Variants in STING1 observed in about 807,000 individuals in gnomAD.
The protein encoded by STING1 is stimulator of interferon genes protein.
STING1 carries 19 observed loss-of-function variants against 31.6 expected under a neutral mutation model. The observed-to-expected ratio is 0.60, with a 90% CI of 0.42 to 0.88. The LOEUF (loss-of-function observed/expected upper bound fraction) is 0.88, where lower values mean the gene tolerates loss of function less well. Among genes scored for constraint, STING1 ranks in the 40% least tolerant of loss-of-function variants. STING1 has a pLI of 0.00. For missense variants in STING1, 371 were observed against 483.7 expected, an observed-to-expected ratio of 0.77 and a Z score of 2.19; for synonymous variants, 200 against 208.6, an observed-to-expected ratio of 0.96 and a Z score of 0.35.
At chr5:139,477,005 C>T (rs964369458) in intron 7 of STING1, among the ~76,000 whole-genome samples, 3 of 152,124 alleles carry the variant, frequency 2.0e-5, no homozygotes, top group African/African-American at 7.2e-5. Flanking sequence ...CGAGGTCACA[C>T]AGTGAGGGAG....
chr5:139,478,219 T>C lies in STING1; in HGVS notation c.759+51A>G, dbSNP rs751377095. On this transcript the variant is annotated intron_variant, in intron 6 of 7. Coordinates refer to ENST00000330794, the MANE Select transcript of STING1 (RefSeq NM_198282.4). ...ATCAGTGCTTGGCTAGGGCCCAGGG[T>C]TCTGGGGTCCTGACCCCTCCTCAGA... The C allele has an allele frequency of 2.0e-5, 28 of 1,399,730 alleles. No homozygotes were observed. The South Asian group carries it at 3.3e-4, about 17-fold the overall frequency. 86.7% of individuals were successfully genotyped at this position (1,399,730 alleles called of 1,614,324 possible).
chr5:139,479,522 T>G (rs1751772031), intron 5 of STING1, among the ~76,000 whole-genome samples: 1 of 150,600 alleles, frequency 6.6e-6, no homozygotes, highest in Admixed American at 6.6e-5. Context: ...CCCAACATGG[T>G]GAAACCCCGT....
Position 139,481,891 on chromosome 5 carries a change from C to T in STING1, c.1-187G>A, listed in dbSNP as rs779328586. 6 of 587,006 alleles carry T rather than the reference C, an allele frequency of 1.0e-5. No homozygotes were observed. The highest frequency in any genetic ancestry group is 4.5e-5 in the South Asian group (2 of 44,446). 36.4% of individuals were successfully genotyped at this position (587,006 alleles called of 1,614,324 possible). On this transcript the variant is annotated intron_variant, in intron 2 of 7. Transcript: ENST00000330794. This position sits in a 1 kb window ranked among gnomAD's most constrained non-coding sequence, Gnocchi z 4.1. ...AGTCACCCCAAAGCTCCTGTCTCAG[C>T]GAGGTTTGCTGAAAACAGAGCAGGG...
chr5:139,481,483 G>C lies in STING1; in HGVS notation c.222C>G (p.His74Gln). The change falls in exon 3 of 8, where the codon CAC becomes CAG. Residue 74 changes from histidine (H) to glutamine (Q), a missense_variant. By Grantham distance (24) the His-to-Gln change is conservative (BLOSUM62 0). Coordinates refer to ENST00000330794, the MANE Select transcript of STING1 (RefSeq NM_198282.4). This position sits in a 1 kb window ranked among gnomAD's most constrained non-coding sequence, Gnocchi z 4.1. ...CSLAEELRHI[H>Q]SRYRGSYWRT... ...TGGGTACTGCAGTGAGTCACCTGGA[G>C]TGGATGTGGCGCAGCTCCTCAGCCA... is the stretch of plus-strand genomic sequence containing the variant. 6.2e-7 allele frequency: 1 copy of C among 1,613,740 alleles called. No homozygotes were observed. Among genetic ancestry groups the C allele is most frequent in the South Asian group, 1.1e-5 (1 of 91,060 alleles).
At chr5:139,480,462 CTT>C (rs1415430314) in intron 5 of STING1, among the ~76,000 whole-genome samples, 1 of 152,160 alleles carries the variant, frequency 6.6e-6, no homozygotes, top group Admixed American at 6.5e-5. Context: ...AGGATAATCA[CTT>C]GAACTTGGAA....
intron 5 of STING1, among the ~76,000 whole-genome samples, chr5:139,479,391 T>C (rs1272643428): frequency 2.6e-5 from 4 of 151,290 alleles, no homozygotes; most frequent in South Asian, 2.1e-4. Context: ...TAAATCACTT[T>C]ACCTCTCAGA....
chr5:139,480,884 A>G lies in STING1; in HGVS notation c.426T>C (p.Ala142=). The G allele has an allele frequency of 1.2e-6, 2 of 1,613,108 alleles. No individual in the cohort carries two copies. Among genetic ancestry groups the G allele is most frequent in the Non-Finnish European group, 1.7e-6 (2 of 1,179,142 alleles). ...ILLGLKGLAP[A]EISAVCEKGN... ...CTTTTTCACACACTGCAGAGATCTC[A>G]GCTGGGGCCAGGCCCTGTGGACAGC... Residue 142 remains alanine (A), a synonymous_variant, in exon 5 of 8, where the codon GCT becomes GCC. Transcript: ENST00000330794.
chr5:139,481,860 G>T lies in STING1; in HGVS notation c.1-156C>A. On this transcript the variant is annotated intron_variant, in intron 2 of 7. Coordinates refer to ENST00000330794, the MANE Select transcript of STING1 (RefSeq NM_198282.4). This position sits in a 1 kb window ranked among gnomAD's most constrained non-coding sequence, Gnocchi z 4.1. ...AGAGACACCTCTAGGAGGCAGGCTG[G>T]GAATAAGTCACCCCAAAGCTCCTGT... is the stretch of plus-strand genomic sequence containing the variant. The T allele has an allele frequency of 1.6e-6, 1 of 627,842 alleles. No homozygotes were observed. Among genetic ancestry groups the T allele is most frequent in the Non-Finnish European group, 2.8e-6 (1 of 360,250 alleles). 38.9% of individuals were successfully genotyped at this position (627,842 alleles called of 1,614,324 possible). A position where few individuals can be genotyped will look rare whatever the true frequency, so the allele number is the denominator to read the frequency against.
chr5:139,480,791 T>A lies in STING1; in HGVS notation c.519A>T (p.Pro173=). The A allele has an allele frequency of 6.2e-7, 1 of 1,609,154 alleles. No individual in the cohort carries two copies. Residue 173 remains proline, a splice_region_variant and synonymous_variant, in exon 5 of 8, where the codon CCA becomes CCT. Coordinates refer to ENST00000330794, the MANE Select transcript of STING1 (RefSeq NM_198282.4). Reference sequence around the variant, plus strand: ...ATGGGGGCAGAGAGGATGGCCCACCTGGCAGGATCAGCCGCAGATATCCGA... The same window carrying A: ...ATGGGGGCAGAGAGGATGGCCCACCAGGCAGGATCAGCCGCAGATATCCGA... ...YYIGYLRLIL[P]ELQARIRTYN... is the part of the protein sequence containing the mutation.
At position 139,478,739 on chromosome 5, in the gene STING1, A is replaced by G. The variant is rs572209543; in HGVS notation, c.521-231T>C. 4.7e-5 allele frequency: 24 copies of G among 514,752 alleles called. No homozygotes were observed. In the South Asian group the frequency reaches 5.3e-4, roughly 11 times the overall value. The allele number at this position is 514,752 out of a possible 1,614,324, so 31.9% of individuals were successfully genotyped here. Reference sequence around the variant, plus strand: ...CCCTCACTTCTTTCCTCAGATGTCTATGTCAGCGCCACCCCTTTCCACCAT... The same window carrying G: ...CCCTCACTTCTTTCCTCAGATGTCTGTGTCAGCGCCACCCCTTTCCACCAT... On this transcript the variant is annotated intron_variant, in intron 5 of 7. Transcript: ENST00000330794.
Position 139,477,313 on chromosome 5 carries a change from C to A in STING1, c.946+16G>T. 1 of 1,611,786 alleles carries A rather than the reference C, an allele frequency of 6.2e-7. No homozygotes were observed. The highest frequency in any genetic ancestry group is 1.1e-5 in the South Asian group (1 of 90,808). On this transcript the variant is annotated intron_variant, in intron 7 of 7. Transcript: ENST00000330794. ...GCCCTCCAGCCTATCAACCCCTCAC[C>A]CTACCAACCCCTCACCCTGGTAGGC...
Position 139,478,301 on chromosome 5 carries a change from C to G in STING1, c.728G>C (p.Ser243Thr). 7 of 1,614,086 alleles carry G rather than the reference C, an allele frequency of 4.3e-6. No homozygotes were observed. Among genetic ancestry groups the G allele is most frequent in the Non-Finnish European group, 5.9e-6 (7 of 1,179,994 alleles). Reference sequence around the variant, plus strand: ...CCCGTTCTCCAGAAGCTCATAGATGCTGTTGCTGTAAACCCGATCCTTGAT... The same window carrying G: ...CCCGTTCTCCAGAAGCTCATAGATGGTGTTGCTGTAAACCCGATCCTTGAT... ...AGIKDRVYSN[S>T]IYELLENGQR... The change falls in exon 6 of 8, where the codon AGC (serine) becomes ACC (threonine). Residue 243 changes from serine (S) to threonine (T), a missense_variant. Ser to Thr is a moderately conservative substitution (Grantham distance 58, BLOSUM62 1). Transcript: ENST00000330794.
intron 5 of STING1, among the ~76,000 whole-genome samples, chr5:139,480,539 C>G (rs1008964645): frequency 1.8e-4 from 28 of 152,046 alleles, no homozygotes; most frequent in Non-Finnish European, 4.0e-4. Flanking sequence ...AGGGAGATTC[C>G]TTCTCAAAAA....
intron 7 of STING1, 71 bp downstream of exon 7, chr5:139,477,258 T>C: frequency 6.6e-7 from 1 of 1,523,956 alleles, no homozygotes; most frequent in Non-Finnish European, 9.0e-7. Flanking sequence ...TCTGACTCTT[T>C]GGGAGACCCT....
intron 5 of STING1, chr5:139,478,767 C>T (rs1426968387): frequency 4.4e-6 from 2 of 454,836 alleles, no homozygotes; most frequent in African/African-American, 3.9e-5. Flanking sequence ...TCCACCATGG[C>T]TTTCAGGGCT....
At chr5:139,480,246 C>T (rs1271653445) in intron 5 of STING1, among the ~76,000 whole-genome samples, 1 of 152,062 alleles carries the variant, frequency 6.6e-6, no homozygotes, top group Non-Finnish European at 1.5e-5. Context: ...ACACAGCATG[C>T]AGTAAATATT....
rs759461330 is a variant in STING1, at chr5:139,476,308, TGAG to T, written c.1090_1092del (p.Leu364del). The T allele has an allele frequency of 6.2e-7, 1 of 1,610,096 alleles. No individual in the cohort carries two copies. Among genetic ancestry groups the T allele is most frequent in the Non-Finnish European group, 8.5e-7 (1 of 1,178,770 alleles). On this transcript the variant is annotated inframe_deletion, in exon 8 of 8. Coordinates refer to ENST00000330794, the MANE Select transcript of STING1 (RefSeq NM_198282.4). ...GGGAGGGGCTTTTCCATTCCACTGATGAGGAGCTCAGGCTCTTGGGACATCGTG... is the reference window on the plus strand; with the variant it reads ...GGGAGGGGCTTTTCCATTCCACTGATGAGCTCAGGCTCTTGGGACATCGTG...
Position 139,478,514 on chromosome 5 carries a change from G to T in STING1, c.521-6C>A. 1 of 1,612,912 alleles carries T rather than the reference G, an allele frequency of 6.2e-7. No homozygotes were observed. Among genetic ancestry groups the T allele is most frequent in the Non-Finnish European group, 8.5e-7 (1 of 1,179,164 alleles). On this transcript the variant is annotated splice_region_variant and splice_polypyrimidine_tract_variant and intron_variant, in intron 5 of 7. Coordinates refer to ENST00000330794, the MANE Select transcript of STING1 (RefSeq NM_198282.4). ...TCGAATCCGGGCCTGGAGCTCTGAG[G>T]CAGGGAAGCCCAAGAAGTTATTCCT...
Position 139,481,253 on chromosome 5 carries a change from T to C in STING1, c.317A>G (p.Tyr106Cys), listed in dbSNP as rs1331780242. ...GALLLLSIYFYYSLPNAVGPP... is the reference protein window; with the variant it reads ...GALLLLSIYFCYSLPNAVGPP... ...GCCGACCGCATTTGGGAGGGAGTAG[T>C]AGAAATAGATGGACAGCAGCAACAG... The change falls in exon 4 of 8, where the codon TAC (tyrosine) becomes TGC (cysteine). Residue 106 changes from tyrosine to cysteine, a missense_variant. Tyr to Cys is a radical substitution (Grantham distance 194). Coordinates refer to ENST00000330794, the MANE Select transcript of STING1 (RefSeq NM_198282.4). The surrounding 1 kb of genome is among the most constrained non-coding windows in gnomAD (Gnocchi z 4.1). 1 of 1,613,934 alleles carries C rather than the reference T, an allele frequency of 6.2e-7. No homozygotes were observed. Among genetic ancestry groups the C allele is most frequent in the South Asian group, 1.1e-5 (1 of 91,078 alleles).
Sources: gnomAD v4.1 joint callset for allele counts (sites outside exome capture counted in the v4.1 genomes callset) on GRCh38, gnomAD v4.1.1 for gene constraint, Gnocchi (gnomAD v3.1) non-coding constraint, MANE v1.5 for transcripts, NCBI Gene and HGNC (gene_info 2026-07-23, HGNC 2026-07-21) for gene names.